Variants in KCNH8 observed in about 807,000 individuals in gnomAD.
KCNH8 encodes potassium voltage-gated channel subfamily H member 8, also known as voltage-gated delayed rectifier potassium channel KCNH8.
Under a neutral mutation model 103.6 loss-of-function variants are expected in KCNH8, and 70 were observed. That is an observed-to-expected ratio of 0.68 (90% CI 0.56 to 0.82). The LOEUF is 0.82. Among genes scored for constraint, KCNH8 ranks in the 40% least tolerant of loss-of-function variants. KCNH8 has a pLI of 0.00. For synonymous variants in KCNH8, 498 were observed against 489.4 expected (o/e 1.02, Z -0.23); for missense variants, 1,217 against 1,329.9 (o/e 0.92, Z 1.32).
chr3:19,357,167 G>C (rs1255622496), intron 5 of KCNH8, among the ~76,000 whole-genome samples: 1 of 150,854 alleles, frequency 6.6e-6, no homozygotes, highest in Non-Finnish European at 1.5e-5. Context: ...AGATTGTTTT[G>C]GTGGGGAGAG....
chr3:19,198,845 C>T (rs905072997), intron 1 of KCNH8, among the ~76,000 whole-genome samples: 3 of 152,046 alleles, frequency 2.0e-5, no homozygotes, highest in African/African-American at 7.2e-5. Flanking sequence ...AATTAGCTGT[C>T]TCACTAAGAA....
rs367923090 is a variant in KCNH8 at position 19,341,242 on chromosome 3, T to A, written c.443-1345T>A. On this transcript the variant is annotated intron_variant, in intron 3 of 15. Transcript: ENST00000328405. ...GAGGAAGGTTATATACTGGTTAAAC[T>A]CCACCATTTTGCCTCTTAGTGTGCA... Among the ~76,000 whole-genome samples, 5 of 152,216 alleles carry A rather than the reference T, an allele frequency of 3.3e-5. No homozygotes were observed. In the South Asian group the frequency reaches 6.2e-4, roughly 19 times the overall value.
At position 19,535,169 on chromosome 3, in the gene KCNH8, G is replaced by A. The variant is rs1465328702; in HGVS notation, c.*1070G>A. 6.6e-6 allele frequency: 1 copy of A among 152,162 alleles called. No homozygotes were observed. Among genetic ancestry groups the A allele is most frequent in the Non-Finnish European group, 1.5e-5 (1 of 68,036 alleles). The allele number at this position is 152,162 out of a possible 1,614,324, so 9.4% of individuals were successfully genotyped here. On this transcript the variant is annotated 3_prime_UTR_variant, in exon 16 of 16. Coordinates refer to ENST00000328405, the MANE Select transcript of KCNH8 (RefSeq NM_144633.3). ...GGGCTCAAAGTGAGGGAGAAAACCT[G>A]GGTGTGTCCTTTCCCAGTGCTTTTC...
At chr3:19,186,709 A>G (rs2063505857) in intron 1 of KCNH8, among the ~76,000 whole-genome samples, 1 of 152,104 alleles carries the variant, frequency 6.6e-6, no homozygotes, top group African/African-American at 2.4e-5. Context: ...AGATGTTACG[A>G]AGTTCAAAGG....
chr3:19,217,492 T>C (rs2063829206), intron 1 of KCNH8, among the ~76,000 whole-genome samples: 1 of 152,204 alleles, frequency 6.6e-6, no homozygotes, highest in Admixed American at 6.5e-5. Context: ...AGGAAATATA[T>C]AATTACGCAT....
At chr3:19,334,541 A>G (rs892607208) in intron 3 of KCNH8, among the ~76,000 whole-genome samples, 3 of 152,092 alleles carry the variant, frequency 2.0e-5, no homozygotes, top group African/African-American at 4.8e-5. Flanking sequence ...TTCAAAATTT[A>G]TATTGAATAA....
At chr3:19,227,929 A>T (rs2063950172) in intron 1 of KCNH8, among the ~76,000 whole-genome samples, 1 of 152,198 alleles carries the variant, frequency 6.6e-6, no homozygotes, top group African/African-American at 2.4e-5. Flanking sequence ...CTCTTCATGT[A>T]TAATGTTATG....
At chr3:19,221,172 G>A (rs1417826331) in intron 1 of KCNH8, among the ~76,000 whole-genome samples, 1 of 152,192 alleles carries the variant, frequency 6.6e-6, no homozygotes, top group East Asian at 1.9e-4. Flanking sequence ...TACTTAAATA[G>A]TTTGCAGTAA....
intron 1 of KCNH8, among the ~76,000 whole-genome samples, chr3:19,202,158 G>T (rs540859514): frequency 6.6e-6 from 1 of 152,184 alleles, no homozygotes; most frequent in African/African-American, 2.4e-5. Flanking sequence ...CATGAGGAGG[G>T]TAATCATATG....
At chr3:19,258,891 T>TAA in intron 2 of KCNH8, among the ~76,000 whole-genome samples, 1 of 145,258 alleles carries the variant, frequency 6.9e-6, no homozygotes, top group African/African-American at 2.5e-5. Context: ...AATAACTTCA[T>TAA]TTTTATTTTC....
intron 7 of KCNH8, among the ~76,000 whole-genome samples, chr3:19,398,971 AT>A (rs1022337842): frequency 6.6e-5 from 10 of 152,114 alleles, no homozygotes; most frequent in Admixed American, 2.0e-4. Flanking sequence ...CTTCAAAGTA[AT>A]TTATCTGTAC....
chr3:19,347,648 G>C, intron 4 of KCNH8, 77 bp from the exon 5 acceptor site: 1 of 1,532,810 alleles, frequency 6.5e-7, no homozygotes, highest in Non-Finnish European at 8.9e-7. Context: ...ACTCACAAAA[G>C]TGTGTGTTTC....
intron 10 of KCNH8, among the ~76,000 whole-genome samples, chr3:19,454,509 A>G (rs943400063): frequency 1.3e-5 from 2 of 151,954 alleles, no homozygotes; most frequent in African/African-American, 4.8e-5. Flanking sequence ...CATAATGTGT[A>G]TTTTTCTATA....
At chr3:19,240,980 A>G (rs1057362182) in intron 1 of KCNH8, among the ~76,000 whole-genome samples, 3 of 151,994 alleles carry the variant, frequency 2.0e-5, no homozygotes, top group African/African-American at 4.8e-5. Context: ...ATAACCCTCT[A>G]CTAGTCTTCC....
At chr3:19,232,578 A>C (rs1323517419) in intron 1 of KCNH8, among the ~76,000 whole-genome samples, 1 of 152,202 alleles carries the variant, frequency 6.6e-6, no homozygotes, top group Non-Finnish European at 1.5e-5. Flanking sequence ...CCTGGTGGAC[A>C]AATCAGTTAG....
chr3:19,403,361 A>AATAT (rs57523893), intron 7 of KCNH8, among the ~76,000 whole-genome samples: 1,714 of 124,158 alleles, frequency 0.014, 24 homozygotes, highest in South Asian at 0.026. Context: ...ATATGTAAAG[A>AATAT]ATATATATAT....
At chr3:19,369,265 T>C (rs868469359) in intron 5 of KCNH8, among the ~76,000 whole-genome samples, 1 of 151,930 alleles carries the variant, frequency 6.6e-6, no homozygotes, top group Non-Finnish European at 1.5e-5. Flanking sequence ...TTGTTAGTCT[T>C]TATCTGACTA....
chr3:19,279,615 G>A (rs1451731885), intron 2 of KCNH8, among the ~76,000 whole-genome samples: 1 of 151,620 alleles, frequency 6.6e-6, no homozygotes, highest in African/African-American at 2.4e-5. Context: ...TAAAACTATT[G>A]GGAGAATACA....
At chr3:19,488,860 G>A (rs965401992) in intron 11 of KCNH8, among the ~76,000 whole-genome samples, 6 of 152,120 alleles carry the variant, frequency 3.9e-5, no homozygotes, top group Non-Finnish European at 7.4e-5. Context: ...AGAGGTACAT[G>A]AGCAGCTGGT....
Sources: gnomAD v4.1 joint callset for allele counts (sites outside exome capture counted in the v4.1 genomes callset) on GRCh38, gnomAD v4.1.1 for gene constraint, MANE v1.5 for transcripts, NCBI Gene and HGNC (gene_info 2026-07-23, HGNC 2026-07-21) for gene names.